DNAH12: variants seen among roughly 807,000 people sequenced by gnomAD.
The protein encoded by DNAH12 is axonemal beta dynein heavy chain 12.
Under a neutral mutation model 371.5 loss-of-function variants are expected in DNAH12, and 285 were observed. The observed-to-expected ratio is 0.77, with a 90% CI of 0.70 to 0.85. The LOEUF (loss-of-function observed/expected upper bound fraction) is 0.85. Ranked by LOEUF, DNAH12 falls within the 40% of genes least tolerant of loss-of-function variation. The pLI, the probability that DNAH12 is intolerant of heterozygous loss-of-function variation, is 0.00. For synonymous variants in DNAH12, 1,200 were observed against 1,213.0 expected (o/e 0.99, Z 0.22); for missense variants, 3,611 against 3,689.4 (o/e 0.98, Z 0.55).
chr3:57,357,506 G>C (rs1036450035), intron 58 of DNAH12, among the ~76,000 whole-genome samples, 158 bp from the exon 59 acceptor site: 1 of 151,914 alleles, frequency 6.6e-6, no homozygotes, highest in African/African-American at 2.4e-5. Flanking sequence ...CATACTAAAA[G>C]CCAGAAATAA....
chr3:57,329,704 T>G (rs1404037289), intron 62 of DNAH12, among the ~76,000 whole-genome samples: 1 of 149,418 alleles, frequency 6.7e-6, no homozygotes, highest in African/African-American at 2.5e-5. Context: ...AAGCCAAAAT[T>G]GACAAATGGG....
upstream of DNAH12, among the ~76,000 whole-genome samples, chr3:57,544,850 G>A (rs2153404679): frequency 6.6e-6 from 1 of 152,276 alleles, no homozygotes; most frequent in Admixed American, 6.5e-5. Flanking sequence ...GCTGCACAAT[G>A]CATACTACAT....
chr3:57,431,905 G>T (rs973493731), intron 32 of DNAH12, among the ~76,000 whole-genome samples: 6 of 152,146 alleles, frequency 3.9e-5, no homozygotes, highest in Non-Finnish European at 7.4e-5. Context: ...GAAGAAAAGA[G>T]AAATCATCAC....
chr3:57,466,257 C>T (rs1216977964), intron 17 of DNAH12, among the ~76,000 whole-genome samples: 1 of 152,140 alleles, frequency 6.6e-6, no homozygotes, highest in Non-Finnish European at 1.5e-5. Context: ...TATATACTCA[C>T]ATTGTTATAT....
chr3:57,538,492 T>G (rs2153402419), intron 2 of DNAH12, among the ~76,000 whole-genome samples: 1 of 152,340 alleles, frequency 6.6e-6, no homozygotes, highest in Admixed American at 6.5e-5. Context: ...AACCCTTTGA[T>G]TTGTGTTGAG....
At chr3:57,440,923 G>T (rs1186260765) in intron 29 of DNAH12, among the ~76,000 whole-genome samples, 1 of 152,124 alleles carries the variant, frequency 6.6e-6, no homozygotes, top group Admixed American at 6.5e-5. Flanking sequence ...CCAGGAGTTG[G>T]AGGCTGCAGT....
At chr3:57,406,338 C>T (rs2064025049) in intron 40 of DNAH12, among the ~76,000 whole-genome samples, 2 of 127,092 alleles carry the variant, frequency 1.6e-5, no homozygotes, top group African/African-American at 3.1e-5. Flanking sequence ...GCCTGGGCAA[C>T]GAAGTGAGAT....
intron 62 of DNAH12, among the ~76,000 whole-genome samples, chr3:57,330,602 T>C (rs368888999): frequency 1.1e-4 from 16 of 149,462 alleles, no homozygotes; most frequent in East Asian, 4.0e-4. Context: ...TTGGGAGATA[T>C]ACCTAATGCC....
intron 34 of DNAH12, among the ~76,000 whole-genome samples, chr3:57,426,142 G>A (rs749404734): frequency 2.6e-5 from 4 of 152,176 alleles, no homozygotes; most frequent in African/African-American, 9.7e-5. Flanking sequence ...CAAAGAAATG[G>A]AGATGTGAGC....
At chr3:57,447,827 C>A (rs1190867652) in intron 25 of DNAH12, among the ~76,000 whole-genome samples, 9 of 152,040 alleles carry the variant, frequency 5.9e-5, no homozygotes, top group African/African-American at 2.2e-4. Flanking sequence ...GTGTATGCCA[C>A]CACACTCAGT....
intron 69 of DNAH12, among the ~76,000 whole-genome samples, chr3:57,306,961 C>T (rs1258350756): frequency 6.6e-6 from 1 of 152,090 alleles, no homozygotes; most frequent in African/African-American, 2.4e-5. Flanking sequence ...TTCTTTGCAC[C>T]CTTCATCCCA....
At chr3:57,373,342 G>T (rs2063215993) in intron 55 of DNAH12, among the ~76,000 whole-genome samples, 1 of 147,894 alleles carries the variant, frequency 6.8e-6, no homozygotes, top group Non-Finnish European at 1.5e-5. Flanking sequence ...TTGAGACAGA[G>T]TCTCACTTTG....
chr3:57,429,393 C>T (rs1387087231), intron 33 of DNAH12, among the ~76,000 whole-genome samples: 2 of 152,174 alleles, frequency 1.3e-5, no homozygotes, highest in African/African-American at 4.8e-5. Flanking sequence ...TCAGGCTGGT[C>T]TTGAACTTCC....
intron 43 of DNAH12, among the ~76,000 whole-genome samples, chr3:57,396,217 G>A (rs1468680799): frequency 2.3e-4 from 33 of 141,774 alleles, no homozygotes; most frequent in Non-Finnish European, 4.4e-4. Flanking sequence ...GGCAGAGGTT[G>A]CAGTGAGCCA....
At chr3:57,494,014 C>T (rs577292775) in intron 11 of DNAH12, among the ~76,000 whole-genome samples, 5 of 152,300 alleles carry the variant, frequency 3.3e-5, no homozygotes, top group African/African-American at 9.6e-5. Flanking sequence ...AGGAGGATCA[C>T]TTGCATCCAG....
chr3:57,307,520 G>A (rs113172352), intron 69 of DNAH12, among the ~76,000 whole-genome samples: 34,442 of 152,014 alleles, frequency 0.23, 4,541 homozygotes, highest in African/African-American at 0.34. Flanking sequence ...TCAAGTCTGC[G>A]TGCAGTGGCC....
intron 29 of DNAH12, among the ~76,000 whole-genome samples, chr3:57,442,476 G>A (rs776714797): frequency 6.6e-5 from 10 of 152,070 alleles, no homozygotes; most frequent in Non-Finnish European, 1.5e-4. Context: ...GTTGTAATAA[G>A]CCAAGGATAT....
intron 4 of DNAH12, among the ~76,000 whole-genome samples, chr3:57,513,503 C>T (rs1186330530): frequency 2.6e-5 from 1 of 38,056 alleles, no homozygotes; most frequent in African/African-American, 2.2e-4. Context: ...AATTTAAAAA[C>T]TTATAATAAA....
At chr3:57,413,103 T>TG in intron 39 of DNAH12, among the ~76,000 whole-genome samples, 1 of 152,196 alleles carries the variant, frequency 6.6e-6, no homozygotes. Flanking sequence ...TGTTACTCAG[T>TG]GCTAAAAAGA....
Sources: allele counts gnomAD v4.1 joint callset (sites outside exome capture counted in the v4.1 genomes callset), GRCh38; gene constraint gnomAD v4.1.1; transcripts MANE v1.5; gene names NCBI Gene and HGNC (gene_info 2026-07-23, HGNC 2026-07-21).